TXNDC16: variants seen among roughly 807,000 people sequenced by gnomAD.
TXNDC16 encodes the protein thioredoxin domain containing 16.
Under a neutral mutation model 85.6 loss-of-function variants are expected in TXNDC16, and 74 were observed. The observed-to-expected ratio is 0.86, with a 90% CI of 0.72 to 1.05. TXNDC16 has a LOEUF of 1.05. Ranked by LOEUF, TXNDC16 falls within the 50% of genes least tolerant of loss-of-function variation. The probability of loss-of-function intolerance (pLI) is 0.00; values close to 1 mark genes in which losing one functional copy is unlikely to be tolerated. For synonymous variants in TXNDC16, 335 were observed against 326.5 expected, an observed-to-expected ratio of 1.03 and a Z score of -0.28; for missense variants, 959 against 947.0, an observed-to-expected ratio of 1.01 and a Z score of -0.17.
intron 6 of TXNDC16, among the ~76,000 whole-genome samples, chr14:52,529,313 G>A (rs1023841809): frequency 6.7e-6 from 1 of 149,524 alleles, no homozygotes; most frequent in African/African-American, 2.5e-5. Context: ...AACACACTGG[G>A]GCCTGTTGTG....
intron 1 of TXNDC16, among the ~76,000 whole-genome samples, chr14:52,548,755 A>G: frequency 6.6e-6 from 1 of 152,146 alleles, no homozygotes; most frequent in East Asian, 1.9e-4. Context: ...AGTGGCAGGT[A>G]CCTGTAATCC....
At chr14:52,528,739 T>A (rs1285008103) in intron 6 of TXNDC16, among the ~76,000 whole-genome samples, 1 of 149,820 alleles carries the variant, frequency 6.7e-6, no homozygotes, top group African/African-American at 2.4e-5. Flanking sequence ...AGTTCATTTT[T>A]CAATTTATAA....
chr14:52,436,551 A>T (rs1292619180), intron 20 of TXNDC16, among the ~76,000 whole-genome samples: 2 of 152,154 alleles, frequency 1.3e-5, no homozygotes, highest in Non-Finnish European at 2.9e-5. Flanking sequence ...TGTACACTCT[A>T]AAAGGGTGAA....
intron 16 of TXNDC16, among the ~76,000 whole-genome samples, chr14:52,465,541 G>A (rs1024044085): frequency 4.0e-5 from 6 of 148,190 alleles, no homozygotes; most frequent in East Asian, 2.0e-4. Flanking sequence ...GCAGTGAGCC[G>A]AGATCGCGCC....
chr14:52,552,485 G>C lies in TXNDC16; in HGVS notation c.-351C>G, dbSNP rs2038079974. On this transcript the variant is annotated 5_prime_UTR_variant, in exon 1 of 21. Coordinates refer to ENST00000281741, the MANE Select transcript of TXNDC16 (RefSeq NM_020784.3). ...AAAGGCGTAGCACTTCTCCCTCCCAGCCTGCAGCCGCCACCGACTCGGCGG... is the reference window on the plus strand; with the variant it reads ...AAAGGCGTAGCACTTCTCCCTCCCACCCTGCAGCCGCCACCGACTCGGCGG... 1 of 152,310 alleles carries C rather than the reference G, an allele frequency of 6.6e-6. No homozygotes were observed. The highest frequency in any genetic ancestry group is 2.4e-5 in the African/African-American group (1 of 41,454). The allele number at this position is 152,310 out of a possible 1,614,324, so 9.4% of individuals were successfully genotyped here.
chr14:52,513,390 A>AT (rs1207045983), intron 8 of TXNDC16, among the ~76,000 whole-genome samples: 1 of 152,202 alleles, frequency 6.6e-6, no homozygotes, highest in Admixed American at 6.5e-5. Context: ...TCCAAAAGTG[A>AT]TATCACAGCA....
intron 6 of TXNDC16, among the ~76,000 whole-genome samples, chr14:52,524,487 C>T (rs1370286502): frequency 1.3e-5 from 2 of 152,012 alleles, no homozygotes; most frequent in Non-Finnish European, 2.9e-5. Flanking sequence ...TTTTCTTTTG[C>T]ATCATTTGAT....
intron 12 of TXNDC16, among the ~76,000 whole-genome samples, chr14:52,485,080 A>G (rs147327377): frequency 2.0e-5 from 3 of 152,310 alleles, no homozygotes; most frequent in African/African-American, 7.2e-5. Flanking sequence ...AGAAGGCACT[A>G]TTATCATAGG....
Position 52,482,225 on chromosome 14 carries a change from A to C in TXNDC16, c.1312+5T>G. ...ATAATAAGCATGCATAGCACAGTAC[A>C]CTACCTTTCAGTTTAACTGCCACAT... On this transcript the variant is annotated splice_donor_5th_base_variant and intron_variant, in intron 14 of 20. Transcript: ENST00000281741. 3.1e-6 allele frequency: 5 copies of C among 1,611,316 alleles called. No individual in the cohort carries two copies. The highest frequency in any genetic ancestry group is 4.2e-6 in the Non-Finnish European group (5 of 1,178,318).
At chr14:52,479,408 A>C (rs1369083196) in intron 14 of TXNDC16, among the ~76,000 whole-genome samples, 1 of 152,084 alleles carries the variant, frequency 6.6e-6, no homozygotes, top group Non-Finnish European at 1.5e-5. Flanking sequence ...GTTTATCTAG[A>C]AAACCCTAAA....
chr14:52,548,028 T>C (rs560882561), intron 1 of TXNDC16, among the ~76,000 whole-genome samples: 9 of 152,158 alleles, frequency 5.9e-5, no homozygotes, highest in South Asian at 2.1e-4. Flanking sequence ...TCAGTATACA[T>C]GTGCAATGAA....
intron 7 of TXNDC16, among the ~76,000 whole-genome samples, chr14:52,517,187 G>C (rs2037103335): frequency 6.6e-6 from 1 of 151,912 alleles, no homozygotes; most frequent in Admixed American, 6.6e-5. Context: ...CTCTAATTAA[G>C]CTTAAATTCC....
chr14:52,520,306 T>C (rs1328416699), intron 6 of TXNDC16, among the ~76,000 whole-genome samples: 1 of 152,200 alleles, frequency 6.6e-6, no homozygotes, highest in African/African-American at 2.4e-5. Flanking sequence ...TATTTATTCA[T>C]CCAAAATTAT....
At chr14:52,480,997 ATAT>A (rs2036138488) in intron 14 of TXNDC16, among the ~76,000 whole-genome samples, 1 of 137,318 alleles carries the variant, frequency 7.3e-6, no homozygotes, top group African/African-American at 2.7e-5. Context: ...ATATATATAT[ATAT>A]AATGGAATAC....
intron 7 of TXNDC16, among the ~76,000 whole-genome samples, chr14:52,517,098 G>T (rs2037100921): frequency 6.6e-6 from 1 of 151,830 alleles, no homozygotes; most frequent in African/African-American, 2.4e-5. Context: ...CACATCTCCA[G>T]CTCACTCTGT....
At chr14:52,516,841 C>A (rs2037094156) in intron 7 of TXNDC16, among the ~76,000 whole-genome samples, 1 of 152,112 alleles carries the variant, frequency 6.6e-6, no homozygotes, top group Admixed American at 6.6e-5. Context: ...GGATCACTTC[C>A]CGTCATTCCA....
At chr14:52,433,595 T>C (rs1489289845) in intron 20 of TXNDC16, among the ~76,000 whole-genome samples, 4 of 152,048 alleles carry the variant, frequency 2.6e-5, no homozygotes, top group African/African-American at 4.8e-5. Context: ...TTTCCTAGAG[T>C]AAAGCTCAAA....
In TXNDC16 at chr14:52,473,724, A is replaced by G. The variant is rs1231505928; in HGVS notation, c.1313-3044T>C. ...AGGTTCCTAACTTAAAAGAAAAAAC[A>G]GATTATCTTAGATACAGGTATTATG... On this transcript the variant is annotated intron_variant, in intron 14 of 20. Transcript: ENST00000281741. Among the ~76,000 whole-genome samples, 4 of 152,222 alleles carry G rather than the reference A, an allele frequency of 2.6e-5. 1 individual carries two copies. Among genetic ancestry groups the G allele is most frequent in the Admixed American group, 2.6e-4 (4 of 15,284 alleles).
At chr14:52,471,414 A>C (rs1254799010) in intron 14 of TXNDC16, among the ~76,000 whole-genome samples, 1 of 152,190 alleles carries the variant, frequency 6.6e-6, no homozygotes, top group Non-Finnish European at 1.5e-5. Context: ...TCAAAACTCA[A>C]ATATTTTGGT....
Sources: allele counts gnomAD v4.1 joint callset (sites outside exome capture counted in the v4.1 genomes callset), GRCh38; gene constraint gnomAD v4.1.1; transcripts MANE v1.5; gene names NCBI Gene and HGNC (gene_info 2026-07-23, HGNC 2026-07-21).